The following KHDRBS2 variants were observed in gnomAD, a reference collection of about 807,000 sequenced individuals.
KHDRBS2 encodes KH domain-containing, RNA-binding, signal transduction-associated protein 2.
A neutral mutation model predicts 44.3 loss-of-function variants in KHDRBS2; 26 were observed. That is an observed-to-expected ratio of 0.59 (90% CI 0.43 to 0.81). The LOEUF (loss-of-function observed/expected upper bound fraction) is 0.81. Among genes scored for constraint, KHDRBS2 ranks in the 40% least tolerant of loss-of-function variants. The probability of loss-of-function intolerance (pLI) is 0.00; values close to 1 mark genes in which losing one functional copy is unlikely to be tolerated. For missense variants in KHDRBS2, 476 were observed against 433.1 expected (o/e 1.10, Z -0.88); for synonymous variants, 194 against 151.1 (o/e 1.28, Z -2.08).
chr6:62,046,342 A>G (rs1285900184), intron 3 of KHDRBS2, among the ~76,000 whole-genome samples: 3 of 151,984 alleles, frequency 2.0e-5, no homozygotes, highest in Admixed American at 2.0e-4. Context: ...ATATAGAAAT[A>G]CTACATGTAG....
intron 6 of KHDRBS2, among the ~76,000 whole-genome samples, chr6:61,746,774 C>G (rs986354718): frequency 6.6e-6 from 1 of 151,852 alleles, no homozygotes; most frequent in Non-Finnish European, 1.5e-5. Context: ...CCATAAAAAC[C>G]CTAGAAGAAA....
chr6:62,076,457 T>A (rs1228226419), intron 2 of KHDRBS2, among the ~76,000 whole-genome samples: 2 of 152,052 alleles, frequency 1.3e-5, no homozygotes, highest in Admixed American at 1.3e-4. Flanking sequence ...GAAGTCAAGG[T>A]TCATTAAGTG....
At chr6:62,030,841 G>A (rs528378002) in intron 3 of KHDRBS2, among the ~76,000 whole-genome samples, 60 of 152,070 alleles carry the variant, frequency 3.9e-4, no homozygotes, top group African/African-American at 1.2e-3. Context: ...TATATAAATC[G>A]TCATAGTAGC....
chr6:61,722,334 C>G (rs546527543), intron 7 of KHDRBS2, among the ~76,000 whole-genome samples: 1 of 152,246 alleles, frequency 6.6e-6, no homozygotes, highest in Admixed American at 6.5e-5. Flanking sequence ...CCTGAACTAG[C>G]AATACCTTGC....
chr6:62,183,485 G>T (rs1296862688), intron 1 of KHDRBS2, among the ~76,000 whole-genome samples: 3 of 151,326 alleles, frequency 2.0e-5, no homozygotes, highest in Non-Finnish European at 4.4e-5. Flanking sequence ...TATAGAGGGT[G>T]AATTACATGG....
intron 7 of KHDRBS2, among the ~76,000 whole-genome samples, chr6:61,717,099 T>A (rs1326498885): frequency 2.6e-5 from 4 of 152,006 alleles, no homozygotes; most frequent in Admixed American, 2.6e-4. Flanking sequence ...GAGAAAATGG[T>A]TTTTCTAACT....
intron 6 of KHDRBS2, among the ~76,000 whole-genome samples, chr6:61,851,313 A>G (rs1439289653): frequency 1.3e-5 from 2 of 151,874 alleles, no homozygotes; most frequent in Non-Finnish European, 2.9e-5. Flanking sequence ...ATGTGTATAT[A>G]TATATCTCCT....
the KHDRBS2 span, among the ~76,000 whole-genome samples, chr6:61,633,561 C>A: frequency 6.6e-6 from 1 of 151,994 alleles, no homozygotes; most frequent in Admixed American, 6.6e-5. Context: ...TACAGTAGCA[C>A]TTTTTCTATT....
chr6:62,072,233 G>T (rs1221796418), intron 2 of KHDRBS2, among the ~76,000 whole-genome samples: 3 of 152,162 alleles, frequency 2.0e-5, no homozygotes, highest in Non-Finnish European at 4.4e-5. Context: ...AGCTTAAGGA[G>T]ATTTTGGGCT....
At chr6:62,021,956 T>C (rs1208675506) in intron 3 of KHDRBS2, among the ~76,000 whole-genome samples, 1 of 57,806 alleles carries the variant, frequency 1.7e-5, no homozygotes, top group Non-Finnish European at 4.3e-5. Context: ...TATATACATA[T>C]ACACTGTACA....
chr6:61,934,901 A>G (rs561119426), intron 4 of KHDRBS2, among the ~76,000 whole-genome samples: 1 of 152,268 alleles, frequency 6.6e-6, no homozygotes, highest in South Asian at 2.1e-4. Context: ...TTCTTTAGGG[A>G]AACTGGAGTG....
At chr6:61,622,147 G>A in the KHDRBS2 span, among the ~76,000 whole-genome samples, 1 of 152,260 alleles carries the variant, frequency 6.6e-6, no homozygotes, top group East Asian at 1.9e-4. Context: ...TAAGCTTATT[G>A]TAATTTATTA....
chr6:61,552,161 C>A, the KHDRBS2 span, among the ~76,000 whole-genome samples: 5 of 151,958 alleles, frequency 3.3e-5, no homozygotes, highest in Non-Finnish European at 5.9e-5. Context: ...GCATATTTTT[C>A]TATTTGTTTG....
chr6:62,046,852 A>G (rs1449846003), intron 3 of KHDRBS2, among the ~76,000 whole-genome samples: 1 of 151,860 alleles, frequency 6.6e-6, no homozygotes, highest in South Asian at 2.1e-4. Flanking sequence ...GGGCTAGTAA[A>G]AATCATTCCG....
chr6:61,728,423 T>C (rs1364639702), intron 7 of KHDRBS2, among the ~76,000 whole-genome samples: 1 of 151,922 alleles, frequency 6.6e-6, no homozygotes, highest in Non-Finnish European at 1.5e-5. Flanking sequence ...CTGAACATCC[T>C]GCACATGGAC....
intron 1 of KHDRBS2, among the ~76,000 whole-genome samples, chr6:62,231,299 T>TA (rs1832856758): frequency 6.6e-6 from 1 of 152,158 alleles, no homozygotes; most frequent in Non-Finnish European, 1.5e-5. Context: ...TTGGGAGACT[T>TA]ACAATCATGG....
the KHDRBS2 span, among the ~76,000 whole-genome samples, chr6:61,616,200 T>A: frequency 6.6e-6 from 1 of 152,160 alleles, no homozygotes; most frequent in African/African-American, 2.4e-5. Context: ...AGGTGTAAAA[T>A]GTTGGTGACT....
chr6:62,126,700 G>T (rs1244846295), intron 2 of KHDRBS2, among the ~76,000 whole-genome samples: 1 of 152,140 alleles, frequency 6.6e-6, no homozygotes, highest in East Asian at 1.9e-4. Context: ...TTCTTAAGAA[G>T]AATATATTTT....
rs1554450852 is a variant in KHDRBS2 at position 62,169,059 on chromosome 6, A to ATG, written c.219+8125_219+8126insCA. Among the ~76,000 whole-genome samples, 5 of 139,626 alleles carry ATG rather than the reference A, an allele frequency of 3.6e-5. 1 individual carries two copies. Among genetic ancestry groups the ATG allele is most frequent in the Admixed American group, 1.4e-4 (2 of 14,132 alleles). The allele number at this position is 139,626 out of a possible 152,430, so 91.6% of individuals were successfully genotyped here. A position where few individuals can be genotyped will look rare whatever the true frequency, so the allele number is the denominator to read the frequency against. On this transcript the variant is annotated intron_variant, in intron 2 of 8. Coordinates refer to ENST00000281156, the MANE Select transcript of KHDRBS2 (RefSeq NM_152688.4). The stretch of plus-strand genomic sequence containing the variant: ...CATATATATATATATATATATATAT[A>ATG]TATGTATACATGAATATAAATATAT...
Sources: gnomAD v4.1 joint callset for allele counts (sites outside exome capture counted in the v4.1 genomes callset) on GRCh38, gnomAD v4.1.1 for gene constraint, MANE v1.5 for transcripts, NCBI Gene and HGNC (gene_info 2026-07-23, HGNC 2026-07-21) for gene names.